Variants in ZBTB43 observed in about 807,000 individuals in gnomAD.
ZBTB43 encodes zinc finger and BTB domain-containing protein 43.
Under a neutral mutation model 31.1 loss-of-function variants are expected in ZBTB43, and 6 were observed. That is an observed-to-expected ratio of 0.19 (90% CI 0.11 to 0.38). The LOEUF (loss-of-function observed/expected upper bound fraction) is 0.38. Ranked by LOEUF, ZBTB43 falls within the 10% of genes least tolerant of loss-of-function variation. The probability of loss-of-function intolerance (pLI) is 1.00; values close to 1 mark genes in which losing one functional copy is unlikely to be tolerated. For synonymous variants in ZBTB43, 212 were observed against 221.7 expected, an observed-to-expected ratio of 0.96 and a Z score of 0.39; for missense variants, 379 against 602.1, an observed-to-expected ratio of 0.63 and a Z score of 3.88.
chr9:126,828,308 C>T (rs1405010134), intron 2 of ZBTB43, among the ~76,000 whole-genome samples: 1 of 151,752 alleles, frequency 6.6e-6, no homozygotes, highest in Non-Finnish European at 1.5e-5. Flanking sequence ...CTCAGCCTCC[C>T]AAGTAACTGG....
Position 126,833,551 on chromosome 9 carries a change from A to C in ZBTB43, c.1042A>C (p.Ser348Arg). 1 of 1,614,156 alleles carries C rather than the reference A, an allele frequency of 6.2e-7. No individual in the cohort carries two copies. Among genetic ancestry groups the C allele is most frequent in the Admixed American group, 1.7e-5 (1 of 60,032 alleles). The change falls in exon 3 of 3, where the codon AGT becomes CGT. Residue 348 changes from serine (S) to arginine (R), a missense_variant. Ser to Arg is a moderately radical substitution (Grantham distance 110). This residue lies in a region of ZBTB43 where 253 missense variants were observed against 322.3 expected (regional missense o/e 0.79). Coordinates refer to ENST00000373464, the MANE Select transcript of ZBTB43 (RefSeq NM_014007.4). The surrounding 1 kb of genome is among the most constrained non-coding windows in gnomAD (Gnocchi z 7.9). ...GGAGGCTGCCCTCGCAGCAGGTTAC[A>C]GTGAGAATATTGAAATGGTAACAGG... ...RQEAALAAGYSENIEMVTGIK... is the reference protein window; with the variant it reads ...RQEAALAAGYRENIEMVTGIK...
At chr9:126,813,897 A>G (rs979340917) in intron 2 of ZBTB43, among the ~76,000 whole-genome samples, 1 of 152,230 alleles carries the variant, frequency 6.6e-6, no homozygotes, top group South Asian at 2.1e-4. Context: ...AATCCATTGT[A>G]TAGTCACATG....
At chr9:126,816,461 A>G (rs1564201601) in intron 2 of ZBTB43, among the ~76,000 whole-genome samples, 1 of 152,218 alleles carries the variant, frequency 6.6e-6, no homozygotes, top group Admixed American at 6.5e-5. Context: ...TGTGAAAAAC[A>G]TTTTAAAAAT....
At chr9:126,830,522 C>G (rs2032742824) in intron 2 of ZBTB43, among the ~76,000 whole-genome samples, 1 of 152,114 alleles carries the variant, frequency 6.6e-6, no homozygotes, top group Non-Finnish European at 1.5e-5. Flanking sequence ...GTAGTGCATG[C>G]CTGAAGTCCC....
In ZBTB43 at chr9:126,833,260, T is replaced by G; in HGVS notation, c.751T>G (p.Leu251Val). 1 of 1,613,704 alleles carries G rather than the reference T, an allele frequency of 6.2e-7. No individual in the cohort carries two copies. The highest frequency in any genetic ancestry group is 1.1e-5 in the South Asian group (1 of 91,024). The change falls in exon 3 of 3, where the codon TTA becomes GTA. Residue 251 changes from leucine to valine, a missense_variant. Physicochemically the swap from Leu to Val is conservative, Grantham distance 32. Around this residue, in one of 5 missense-constraint regions of ZBTB43, gnomAD observed 253 missense variants for 322.3 expected, o/e 0.79. Coordinates refer to ENST00000373464, the MANE Select transcript of ZBTB43 (RefSeq NM_014007.4). This position sits in a 1 kb window ranked among gnomAD's most constrained non-coding sequence, Gnocchi z 7.9. ...CTGGATCCACGTGAAGCCCGAGCGC[T>G]TAGAACAGGCTTGCGAGGGCATGGA... is the stretch of plus-strand genomic sequence containing the variant. ...KRWIHVKPERLEQACEGMDVH... is the reference protein window; with the variant it reads ...KRWIHVKPERVEQACEGMDVH...
intron 1 of ZBTB43, among the ~76,000 whole-genome samples, chr9:126,807,050 G>T (rs2032141469): frequency 6.6e-6 from 1 of 152,128 alleles, no homozygotes; most frequent in African/African-American, 2.4e-5. Context: ...GGATGCCTTT[G>T]TGGTTTTTTT....
At chr9:126,809,581 C>T (rs1019343978) in intron 2 of ZBTB43, among the ~76,000 whole-genome samples, 3 of 152,004 alleles carry the variant, frequency 2.0e-5, no homozygotes, top group Non-Finnish European at 2.9e-5. Context: ...GTTTAAATCA[C>T]GTATAAAATT....
At position 126,834,053 on chromosome 9, in the gene ZBTB43, C is replaced by T. The variant is rs1349163446; in HGVS notation, c.*140C>T. On this transcript the variant is annotated 3_prime_UTR_variant, in exon 3 of 3. Coordinates refer to ENST00000373464, the MANE Select transcript of ZBTB43 (RefSeq NM_014007.4). ...AAGGAAGATATTTCTGAAAGACCAG[C>T]TCTAAGTAGGCCAATTAAAAAAATC... is the stretch of plus-strand genomic sequence containing the variant. The T allele has an allele frequency of 4.1e-6, 4 of 982,958 alleles. No individual in the cohort carries two copies. The highest frequency in any genetic ancestry group is 5.7e-6 in the Non-Finnish European group (4 of 696,874). 60.9% of individuals were successfully genotyped at this position (982,958 alleles called of 1,614,324 possible).
At chr9:126,832,413 T>C in intron 2 of ZBTB43, 74 bp from the exon 3 acceptor site, 1 of 1,394,720 alleles carries the variant, frequency 7.2e-7, no homozygotes, top group Non-Finnish European at 9.6e-7. Flanking sequence ...GGAACTTGTC[T>C]TAACAATGGA....
rs1298755489 is a variant in ZBTB43, at chr9:126,837,127, T to TTA, written c.*3216_*3217dup. 6.0e-6 allele frequency: 1 copy of TTA among 166,866 alleles called. No homozygotes were observed. The highest frequency in any genetic ancestry group is 1.5e-5 in the Non-Finnish European group (1 of 68,088). 10.3% of individuals were successfully genotyped at this position (166,866 alleles called of 1,614,324 possible). A position where few individuals can be genotyped will look rare whatever the true frequency, so the allele number is the denominator to read the frequency against. On this transcript the variant is annotated 3_prime_UTR_variant, in exon 3 of 3. Coordinates refer to ENST00000373464, the MANE Select transcript of ZBTB43 (RefSeq NM_014007.4). The stretch of plus-strand genomic sequence containing the variant: ...TCAAAAAAAAAAAAAAAATTCATAC[T>TTA]TATGCCATGCTTTTACCTTTAGATA...
chr9:126,829,719 AT>A (rs1479696488), intron 2 of ZBTB43, among the ~76,000 whole-genome samples: 4 of 150,670 alleles, frequency 2.7e-5, no homozygotes, highest in East Asian at 3.9e-4. Flanking sequence ...CCTTTCTATA[AT>A]TTTTTTTTAC....
intron 2 of ZBTB43, among the ~76,000 whole-genome samples, chr9:126,817,186 A>G (rs2032406698): frequency 7.8e-6 from 1 of 128,618 alleles, no homozygotes; most frequent in South Asian, 2.4e-4. Flanking sequence ...GTCACAGCTC[A>G]CTGCAGCCTC....
At chr9:126,808,479 G>T (rs942071847) in intron 1 of ZBTB43, among the ~76,000 whole-genome samples, 2 of 152,146 alleles carry the variant, frequency 1.3e-5, no homozygotes, top group Non-Finnish European at 2.9e-5. Flanking sequence ...TATTAATTCT[G>T]CAAAATTACA....
rs1564209439 is a variant in ZBTB43 at position 126,834,595 on chromosome 9, A to G, written c.*682A>G. 2 of 167,028 alleles carry G rather than the reference A, an allele frequency of 1.2e-5. No homozygotes were observed. Among genetic ancestry groups the G allele is most frequent in the Admixed American group, 6.5e-5 (1 of 15,290 alleles). 10.3% of individuals were successfully genotyped at this position (167,028 alleles called of 1,614,324 possible). ...TGTCACAAGGTGTTTCAGACTCTTG[A>G]TAAGGCAGTGTTTTGTATTTTAGTT... On this transcript the variant is annotated 3_prime_UTR_variant, in exon 3 of 3. Transcript: ENST00000373464.
chr9:126,814,392 A>G (rs1162014675), intron 2 of ZBTB43, among the ~76,000 whole-genome samples: 2 of 151,060 alleles, frequency 1.3e-5, no homozygotes, highest in Non-Finnish European at 3.0e-5. Context: ...ATTGAAATTT[A>G]CTTTGATATT....
At chr9:126,809,678 C>G (rs1472709295) in intron 2 of ZBTB43, among the ~76,000 whole-genome samples, 1 of 152,048 alleles carries the variant, frequency 6.6e-6, no homozygotes, top group Admixed American at 6.6e-5. Context: ...TCATCTAGTT[C>G]AGGATTTCTT....
intron 2 of ZBTB43, among the ~76,000 whole-genome samples, chr9:126,815,642 G>GTCTCTC (rs78076730): frequency 7.8e-6 from 1 of 129,018 alleles, no homozygotes. Flanking sequence ...TTTTATTTGG[G>GTCTCTC]TCTCTCTCTC....
At chr9:126,830,719 G>A (rs141362486) in intron 2 of ZBTB43, among the ~76,000 whole-genome samples, 4 of 151,148 alleles carry the variant, frequency 2.6e-5, no homozygotes, top group African/African-American at 9.7e-5. Flanking sequence ...GACATATGCA[G>A]TAATAAATCG....
Position 126,835,583 on chromosome 9 carries a change from G to C in ZBTB43, c.*1670G>C, listed in dbSNP as rs1434890283. Reference sequence around the variant, plus strand: ...CCAGGGTGTTTACTTGTTGAACATTGTCTGGAAAGAGGAAAGAAAATACTT... The same window carrying C: ...CCAGGGTGTTTACTTGTTGAACATTCTCTGGAAAGAGGAAAGAAAATACTT... On this transcript the variant is annotated 3_prime_UTR_variant, in exon 3 of 3. Transcript: ENST00000373464. 5 of 167,098 alleles carry C rather than the reference G, an allele frequency of 3.0e-5. No homozygotes were observed. Among genetic ancestry groups the C allele is most frequent in the African/African-American group, 9.6e-5 (4 of 41,538 alleles). 10.4% of individuals were successfully genotyped at this position (167,098 alleles called of 1,614,324 possible). A position where few individuals can be genotyped will look rare whatever the true frequency, so the allele number is the denominator to read the frequency against.
Sources: gnomAD v4.1 joint callset for allele counts (sites outside exome capture counted in the v4.1 genomes callset) on GRCh38, gnomAD v4.1.1 for gene constraint, gnomAD v4.1.1 regional missense constraint, Gnocchi (gnomAD v3.1) non-coding constraint, MANE v1.5 for transcripts, NCBI Gene and HGNC (gene_info 2026-07-23, HGNC 2026-07-21) for gene names.